The following HHLA1 variants were observed in gnomAD, a reference collection of about 807,000 sequenced individuals.
HHLA1 encodes HHLA1 neighbor of OC90, also known as HERV-H LTR-associating protein 1.
In HHLA1, 72 loss-of-function variants were observed where a neutral mutation model predicts 69.9. The observed-to-expected ratio is 1.03, with a 90% CI of 0.85 to 1.25. The LOEUF is 1.25. Ranked by LOEUF, HHLA1 falls within the 50% of genes most tolerant of loss-of-function variation. HHLA1 has a pLI of 0.00. For missense variants in HHLA1, 685 were observed against 642.2 expected, an observed-to-expected ratio of 1.07 and a Z score of -0.72; for synonymous variants, 252 against 233.2, an observed-to-expected ratio of 1.08 and a Z score of -0.73.
chr8:132,076,491 G>T lies in HHLA1; in HGVS notation c.1224C>A (p.Pro408=), dbSNP rs1340373065. 6.6e-6 allele frequency: 10 copies of T among 1,522,346 alleles called. No homozygotes were observed. The Admixed American group carries it at 1.5e-4, about 22-fold the overall frequency. The allele number at this position is 1,522,346 out of a possible 1,614,324, so 94.3% of individuals were successfully genotyped here. A position where few individuals can be genotyped will look rare whatever the true frequency, so the allele number is the denominator to read the frequency against. ...GTTTCTCACCTGTTTGTGGATATCT[G>T]GGGGCTGTTGCCTTGGTTGGACTCG... is the stretch of plus-strand genomic sequence containing the variant. The part of the protein sequence containing the change: ...QTPSPTKATA[P]RYPQTGDLSA... The change falls in exon 13 of 17, where the codon CCC becomes CCA. Residue 408 remains proline, a synonymous_variant. Coordinates refer to ENST00000414222, the MANE Select transcript of HHLA1 (RefSeq NM_001145095.3).
intron 10 of HHLA1, among the ~76,000 whole-genome samples, chr8:132,083,383 G>A (rs937425806): frequency 2.0e-5 from 3 of 151,938 alleles, no homozygotes; most frequent in South Asian, 2.1e-4. Context: ...ATGTGGAGTG[G>A]GTAGCCTCCG....
chr8:132,103,682 C>T (rs1385641146), intron 3 of HHLA1, among the ~76,000 whole-genome samples: 4 of 151,884 alleles, frequency 2.6e-5, no homozygotes, highest in Admixed American at 6.6e-5. Context: ...AAACTAAAAC[C>T]GAAACCAAAC....
intron 3 of HHLA1, among the ~76,000 whole-genome samples, chr8:132,100,979 T>C (rs900343423): frequency 1.3e-5 from 2 of 152,240 alleles, no homozygotes; most frequent in Non-Finnish European, 2.9e-5. Context: ...TTTTACATTT[T>C]ATTTTATTAA....
intron 2 of HHLA1, 151 bp downstream of exon 2, chr8:132,105,036 A>G (rs1274555529): frequency 2.0e-5 from 13 of 650,378 alleles, no homozygotes; most frequent in Admixed American, 1.3e-4. Context: ...AGTCAAGGGA[A>G]CAACAGAAGT....
At chr8:132,070,599 A>C (rs909999371) in intron 15 of HHLA1, among the ~76,000 whole-genome samples, 6 of 152,078 alleles carry the variant, frequency 3.9e-5, no homozygotes, top group Non-Finnish European at 5.9e-5. Context: ...AACTCAACTC[A>C]ACTCATCTCA....
intron 14 of HHLA1, among the ~76,000 whole-genome samples, chr8:132,075,721 T>C (rs931590830): frequency 6.6e-6 from 1 of 152,344 alleles, no homozygotes; most frequent in African/African-American, 2.4e-5. Flanking sequence ...ATTCACTCGA[T>C]AAAAGTTGAT....
intron 5 of HHLA1, among the ~76,000 whole-genome samples, chr8:132,097,549 G>A (rs1309897466): frequency 6.6e-6 from 1 of 152,204 alleles, no homozygotes; most frequent in Non-Finnish European, 1.5e-5. Context: ...TGACATTTGA[G>A]TTTCTGCAAA....
chr8:132,099,006 G>C (rs1189518373), intron 4 of HHLA1, 44 bp from the exon 5 acceptor site: 1 of 1,370,706 alleles, frequency 7.3e-7, no homozygotes, highest in Non-Finnish European at 1.0e-6. Flanking sequence ...GCTTTTCTCG[G>C]CAAGAGAAAA....
chr8:132,102,032 T>G (rs576660395), intron 3 of HHLA1, among the ~76,000 whole-genome samples: 1 of 152,216 alleles, frequency 6.6e-6, no homozygotes, highest in Non-Finnish European at 1.5e-5. Flanking sequence ...GTGAGCACCT[T>G]TCTATTCTCT....
In HHLA1 at chr8:132,062,902, G is replaced by C. The variant is rs1024163332; in HGVS notation, c.*1093C>G. The C allele has an allele frequency of 1.3e-5, 2 of 152,132 alleles. No homozygotes were observed. The highest frequency in any genetic ancestry group is 2.9e-5 in the Non-Finnish European group (2 of 68,046). 9.4% of individuals were successfully genotyped at this position (152,132 alleles called of 1,614,324 possible). ...GAGTGTCTCTTGTACCTGGGGCTTCGTGCCATGACAGATAGTTTATGTTAA... is the reference window on the plus strand; with the variant it reads ...GAGTGTCTCTTGTACCTGGGGCTTCCTGCCATGACAGATAGTTTATGTTAA... On this transcript the variant is annotated 3_prime_UTR_variant, in exon 17 of 17. Transcript: ENST00000414222.
At chr8:132,083,151 A>G (rs1393494349) in intron 10 of HHLA1, among the ~76,000 whole-genome samples, 19 of 152,122 alleles carry the variant, frequency 1.2e-4, no homozygotes, top group East Asian at 7.8e-4. Context: ...GCAATGAGAT[A>G]TAGCTGTAGT....
At chr8:132,066,831 C>T (rs76844502) in intron 15 of HHLA1, among the ~76,000 whole-genome samples, 2,150 of 152,286 alleles carry the variant, frequency 0.014, 38 homozygotes, top group African/African-American at 0.044. Flanking sequence ...AAATGACTTC[C>T]CCAAGGGATT....
In HHLA1 at chr8:132,099,709, CTG is replaced by C. The variant is rs1171977959; in HGVS notation, c.199+364_199+365del. On this transcript the variant is annotated intron_variant, in intron 4 of 16. Coordinates refer to ENST00000414222, the MANE Select transcript of HHLA1 (RefSeq NM_001145095.3). ...TAGCTACTAAAAATATAAAAATTAGCTGTGTGTGGTGGCCGGTGCCTGTAATC... is the reference window on the plus strand; with the variant it reads ...TAGCTACTAAAAATATAAAAATTAGCTGTGTGGTGGCCGGTGCCTGTAATC... Among the ~76,000 whole-genome samples the C allele has an allele frequency of 2.0e-5, 3 of 152,226 alleles. No homozygotes were observed. The East Asian group carries it at 5.8e-4, about 29-fold the overall frequency.
At chr8:132,101,330 T>C (rs1183058105) in intron 3 of HHLA1, 2 of 1,529,460 alleles carry the variant, frequency 1.3e-6, no homozygotes, top group East Asian at 2.5e-5. Context: ...CCTCAAACAG[T>C]TCATAACATC....
intron 3 of HHLA1, chr8:132,101,311 A>T: frequency 6.5e-7 from 1 of 1,548,204 alleles, no homozygotes. Context: ...TAGTAACCTG[A>T]AAGTACAGCC....
At chr8:132,074,794 T>C (rs2130879660) in intron 14 of HHLA1, among the ~76,000 whole-genome samples, 1 of 152,254 alleles carries the variant, frequency 6.6e-6, no homozygotes, top group Middle Eastern at 3.4e-3. Context: ...GTGGGTTAAT[T>C]GAAGGATGGA....
At chr8:132,089,749 T>A in intron 7 of HHLA1, 150 bp from the exon 8 acceptor site, 1 of 614,602 alleles carries the variant, frequency 1.6e-6, no homozygotes. Flanking sequence ...GAAATACTAC[T>A]AATTCTAAAA....
intron 13 of HHLA1, 64 bp downstream of exon 13, chr8:132,076,411 C>A: frequency 1.0e-6 from 1 of 981,076 alleles, no homozygotes; most frequent in Non-Finnish European, 1.5e-6. Flanking sequence ...CGCCCTTGTC[C>A]CCAAGCTTCC....
chr8:132,089,921 AT>A (rs1174923048), intron 7 of HHLA1, among the ~76,000 whole-genome samples: 1 of 152,040 alleles, frequency 6.6e-6, no homozygotes, highest in East Asian at 1.9e-4. Flanking sequence ...GCTTTTCCCC[AT>A]TGTTTCGTCT....
Sources: gnomAD v4.1 joint callset for allele counts (sites outside exome capture counted in the v4.1 genomes callset) on GRCh38, gnomAD v4.1.1 for gene constraint, MANE v1.5 for transcripts, NCBI Gene and HGNC (gene_info 2026-07-23, HGNC 2026-07-21) for gene names.